Variants in RNF213 observed in about 807,000 individuals in gnomAD.
RNF213 encodes E3 ubiquitin-protein ligase RNF213.
In RNF213, 341 loss-of-function variants were observed where a neutral mutation model predicts 514.4. The ratio of observed to expected loss-of-function variants is 0.66; its 90% CI spans 0.61 to 0.73. The LOEUF (loss-of-function observed/expected upper bound fraction) is 0.73. Among genes scored for constraint, RNF213 ranks in the 30% least tolerant of loss-of-function variants. The pLI is 0.00. For synonymous variants in RNF213, 2,655 were observed against 2,658.2 expected, an observed-to-expected ratio of 1.00 and a Z score of 0.04; for missense variants, 5,767 against 6,615.6, an observed-to-expected ratio of 0.87 and a Z score of 4.45.
At chr17:80,378,453 T>G (rs1017879109) in intron 54 of RNF213, among the ~76,000 whole-genome samples, 9 of 152,182 alleles carry the variant, frequency 5.9e-5, no homozygotes, top group African/African-American at 2.2e-4. Flanking sequence ...TAGTTAGTTA[T>G]TAGTATTACT....
chr17:80,367,965 G>C lies in RNF213; in HGVS notation c.11977G>C (p.Gly3993Arg). 6.2e-7 allele frequency: 1 copy of C among 1,614,238 alleles called. No homozygotes were observed. Among genetic ancestry groups the C allele is most frequent in the Non-Finnish European group, 8.5e-7 (1 of 1,180,040 alleles). Reference sequence around the variant, plus strand: ...ATTGCCCTTCTTGGATTCTAGGTTTGGGATTCAGCCGTGCTCCATCTGCCT... The same window carrying C: ...ATTGCCCTTCTTGGATTCTAGGTTTCGGATTCAGCCGTGCTCCATCTGCCT... ...ETASKTLSRF[G>R]IQPCSICLGD... The change falls in exon 44 of 68, where the codon GGG becomes CGG. Residue 3993 changes from glycine to arginine, a missense_variant. This residue lies in a region of RNF213 where 355 missense variants were observed against 358.0 expected (regional missense o/e 0.99). Transcript: ENST00000582970.
At chr17:80,386,489 T>G (rs1172159709) in intron 62 of RNF213, 59 bp downstream of exon 62, 8 of 1,578,796 alleles carry the variant, frequency 5.1e-6, no homozygotes, top group Non-Finnish European at 6.1e-6. Flanking sequence ...CTAAGCCCAG[T>G]GGGGCAGACA....
intron 17 of RNF213, among the ~76,000 whole-genome samples, chr17:80,322,147 C>G (rs1386807923): frequency 2.1e-5 from 1 of 48,040 alleles, no homozygotes; most frequent in Admixed American, 2.4e-4. Flanking sequence ...GCCCCTCATC[C>G]CCCCCACCCC....
Position 80,386,724 on chromosome 17 carries a change from C to T in RNF213, c.14755C>T (p.His4919Tyr). The T allele has an allele frequency of 6.2e-7, 1 of 1,614,188 alleles. No homozygotes were observed. The highest frequency in any genetic ancestry group is 1.1e-5 in the South Asian group (1 of 91,084). Residue 4919 changes from histidine (H) to tyrosine (Y), a missense_variant, in exon 63 of 68, where the codon CAT (histidine) becomes TAT (tyrosine). His to Tyr is a moderately conservative substitution (Grantham distance 83). Transcript: ENST00000582970. ...SVDAAEVTEL[H>Y]VISYEVERDL... ...GGATGCCGCCGAGGTCACTGAACTG[C>T]ATGTCATCAGTTATGAAGTGGAGCG...
intron 41 of RNF213, 134 bp downstream of exon 41, chr17:80,363,924 C>T (rs2079151934): frequency 1.1e-6 from 1 of 893,416 alleles, no homozygotes; most frequent in East Asian, 2.6e-5. Flanking sequence ...CACCCGTTCA[C>T]TCCGCATTTG....
At position 80,353,692 on chromosome 17, in the gene RNF213, C is replaced by T. The variant is rs2078619260; in HGVS notation, c.10578+26C>T. On this transcript the variant is annotated intron_variant, in intron 34 of 67. Transcript: ENST00000582970. The surrounding 1 kb of genome is among the most constrained non-coding windows in gnomAD (Gnocchi z 5.0). ...GTAAGTTCTGGTTCTTGGGACCTCC[C>T]CTTGTGCTGCTGGTGATGCTTCTGA... The T allele has an allele frequency of 1.2e-6, 2 of 1,613,930 alleles. No homozygotes were observed. The highest frequency in any genetic ancestry group is 2.7e-5 in the African/African-American group (2 of 74,902).
intron 1 of RNF213, among the ~76,000 whole-genome samples, chr17:80,261,508 G>C (rs1258240917): frequency 6.6e-6 from 1 of 152,204 alleles, no homozygotes; most frequent in Non-Finnish European, 1.5e-5. Context: ...TCCAGGGCGG[G>C]AGGGGAAGGA....
At chr17:80,386,938 G>C in intron 63 of RNF213, 47 bp downstream of exon 63, 1 of 1,543,216 alleles carries the variant, frequency 6.5e-7, no homozygotes, top group Non-Finnish European at 8.8e-7. Flanking sequence ...TGTCTGTTGT[G>C]AACAAGCAGC....
chr17:80,379,759 G>C (rs1207912231), intron 55 of RNF213, 45 bp downstream of exon 55: 1 of 1,514,562 alleles, frequency 6.6e-7, no homozygotes, highest in East Asian at 2.3e-5. Context: ...AAACTTTGGG[G>C]TGTTGGGCTG....
chr17:80,312,934 A>C, intron 14 of RNF213, 78 bp from the exon 15 acceptor site: 1 of 1,538,434 alleles, frequency 6.5e-7, no homozygotes, highest in Non-Finnish European at 9.0e-7. Flanking sequence ...CAGGGAGGAG[A>C]GGAGGGGGTG....
At position 80,291,656 on chromosome 17, in the gene RNF213, G is replaced by A. The variant is rs1172845090; in HGVS notation, c.1300G>A (p.Glu434Lys). The part of the protein sequence containing the change: ...RDLGHDRVLV[E>K]GIVCISKKHL... ...CTTGGGTCATGACCGCGTTCTTGTT[G>A]AAGGCATTGTCTGCATTTCCAAGAA... The change falls in exon 8 of 68, where the codon GAA becomes AAA. Residue 434 changes from glutamate to lysine, a missense_variant. Transcript: ENST00000582970. The A allele has an allele frequency of 6.2e-7, 1 of 1,614,094 alleles. No individual in the cohort carries two copies. The highest frequency in any genetic ancestry group is 8.5e-7 in the Non-Finnish European group (1 of 1,180,050).
At chr17:80,329,760 A>G (rs4889845) in intron 20 of RNF213, among the ~76,000 whole-genome samples, 108,250 of 152,050 alleles carry the variant, frequency 0.71, 39,177 homozygotes, top group African/African-American at 0.81. Flanking sequence ...GAGCCTGGGA[A>G]GTCGAGGCTG....
At chr17:80,367,687 C>G (rs989926915) in intron 42 of RNF213, 61 bp from the exon 43 acceptor site, 1 of 1,389,658 alleles carries the variant, frequency 7.2e-7, no homozygotes, top group Non-Finnish European at 1.0e-6. Context: ...CCTCTGTCGC[C>G]CGGCCTGGCC....
intron 15 of RNF213, chr17:80,315,757 ACAGT>A (rs1568059701): frequency 7.9e-4 from 14 of 17,634 alleles, no homozygotes; most frequent in East Asian, 1.7e-3. Flanking sequence ...GGTGGAGGTG[ACAGT>A]GGTGATGCTG....
At position 80,289,827 on chromosome 17, in the gene RNF213, G is replaced by A. The variant is rs2044626265; in HGVS notation, c.1102G>A (p.Val368Met). 1.2e-6 allele frequency: 2 copies of A among 1,609,626 alleles called. No individual in the cohort carries two copies. Among genetic ancestry groups the A allele is most frequent in the Non-Finnish European group, 1.7e-6 (2 of 1,178,300 alleles). ...QKNQEADVQE[V>M]KASTLSPGGG... is the part of the protein sequence containing the mutation. ...AAACCAGGAAGCAGATGTCCAGGAAGTGAAGGCAAGGTAGGGATGCCCCCG... is the reference window on the plus strand; with the variant it reads ...AAACCAGGAAGCAGATGTCCAGGAAATGAAGGCAAGGTAGGGATGCCCCCG... Residue 368 changes from valine (V) to methionine (M), a missense_variant, in exon 6 of 68, where the codon GTG becomes ATG. This residue lies in a region of RNF213 where 509 missense variants were observed against 496.7 expected (regional missense o/e 1.02). Coordinates refer to ENST00000582970, the MANE Select transcript of RNF213 (RefSeq NM_001256071.3).
rs375118927 is a variant in RNF213, at chr17:80,381,018, C to G, written c.13797+31C>G. 11 of 1,612,630 alleles carry G rather than the reference C, an allele frequency of 6.8e-6. No homozygotes were observed. The South Asian group carries it at 1.1e-4, about 16-fold the overall frequency. On this transcript the variant is annotated intron_variant, in intron 56 of 67. Coordinates refer to ENST00000582970, the MANE Select transcript of RNF213 (RefSeq NM_001256071.3). Reference sequence around the variant, plus strand: ...ACCCAGTGCTGCCAAACAATGGGCTCAGTTAAGAACCTGCTTTCGCTTCTT... The same window carrying G: ...ACCCAGTGCTGCCAAACAATGGGCTGAGTTAAGAACCTGCTTTCGCTTCTT...
intron 14 of RNF213, among the ~76,000 whole-genome samples, 187 bp from the exon 15 acceptor site, chr17:80,312,825 C>A (rs2045616914): frequency 6.6e-6 from 1 of 152,156 alleles, no homozygotes. Flanking sequence ...CAGGGTGAAC[C>A]CAGAAAACCC....
intron 55 of RNF213, among the ~76,000 whole-genome samples, 163 bp from the exon 56 acceptor site, chr17:80,380,668 A>G (rs1188559204): frequency 6.6e-6 from 1 of 152,212 alleles, no homozygotes; most frequent in East Asian, 1.9e-4. Context: ...CGAGTCTATC[A>G]TGAGAGAGAC....
At position 80,386,311 on chromosome 17, in the gene RNF213, G is replaced by A. The variant is rs1385058899; in HGVS notation, c.14601G>A (p.Glu4867=). 14 of 1,613,614 alleles carry A rather than the reference G, an allele frequency of 8.7e-6. No homozygotes were observed. The highest frequency in any genetic ancestry group is 1.7e-5 in the Admixed American group (1 of 60,006). Residue 4867 remains glutamate (E), a synonymous_variant, in exon 62 of 68, where the codon GAG becomes GAA. Transcript: ENST00000582970. ...ACTTGGATCTGGACACTGAGTTTGA[G>A]ATCCTCTTGCCACGCCGACGGGGCC... ...STDLDLDTEF[E]ILLPRRRGLG...
Sources: allele counts gnomAD v4.1 joint callset (sites outside exome capture counted in the v4.1 genomes callset), GRCh38; gene constraint gnomAD v4.1.1; regional missense constraint gnomAD v4.1.1; non-coding constraint Gnocchi (gnomAD v3.1); transcripts MANE v1.5; gene names NCBI Gene and HGNC (gene_info 2026-07-23, HGNC 2026-07-21).